Variants in DPP6 observed in about 807,000 individuals in gnomAD.
DPP6 encodes dipeptidyl peptidase like 6.
In DPP6, 69 loss-of-function variants were observed where a neutral mutation model predicts 122.6. The observed-to-expected ratio is 0.56, with a 90% CI of 0.46 to 0.69. DPP6 has a LOEUF of 0.69. Ranked by LOEUF, DPP6 falls within the 30% of genes least tolerant of loss-of-function variation. The pLI, the probability that DPP6 is intolerant of heterozygous loss-of-function variation, is 0.00. For synonymous variants in DPP6, 418 were observed against 433.1 expected, an observed-to-expected ratio of 0.97 and a Z score of 0.43; for missense variants, 928 against 1,116.9, an observed-to-expected ratio of 0.83 and a Z score of 2.41.
chr7:154,643,467 CTTTT>C (rs61520162), intron 6 of DPP6, among the ~76,000 whole-genome samples: 9 of 117,536 alleles, frequency 7.7e-5, no homozygotes, highest in African/African-American at 9.5e-5. Context: ...TGAGTAATTT[CTTTT>C]TTTTTTTTTT....
chr7:154,774,654 C>T (rs1302998110), intron 10 of DPP6, among the ~76,000 whole-genome samples: 1 of 152,206 alleles, frequency 6.6e-6, no homozygotes, highest in Non-Finnish European at 1.5e-5. Context: ...CACACTTTCT[C>T]ATACTGCTTC....
chr7:154,375,935 C>T lies in DPP6; in HGVS notation c.244-70279C>T, dbSNP rs905094379. Among the ~76,000 whole-genome samples, 10 of 152,214 alleles carry T rather than the reference C, an allele frequency of 6.6e-5. No individual in the cohort carries two copies. In the South Asian group the frequency reaches 1.2e-3, roughly 19 times the overall value. On this transcript the variant is annotated intron_variant, in intron 1 of 25. Transcript: ENST00000377770. ...TCCTTCACACTCAGGAGCACATATA[C>T]TCACCTGCTGGCCCACCTCGAGGGG...
the DPP6 span, among the ~76,000 whole-genome samples, chr7:153,863,232 G>A: frequency 6.6e-6 from 1 of 152,110 alleles, no homozygotes; most frequent in East Asian, 1.9e-4. Flanking sequence ...ATGGTTTCCA[G>A]CTTTACCCAT....
At chr7:154,640,956 A>G (rs1199199645) in intron 6 of DPP6, among the ~76,000 whole-genome samples, 2 of 151,272 alleles carry the variant, frequency 1.3e-5, no homozygotes, top group Admixed American at 6.6e-5. Context: ...TTATAGCTTG[A>G]TTTTTTTTTC....
At chr7:153,964,655 C>G (rs974934404) in intron 1 of DPP6, among the ~76,000 whole-genome samples, 3 of 152,104 alleles carry the variant, frequency 2.0e-5, no homozygotes, top group Non-Finnish European at 4.4e-5. Context: ...GCCACCGGCG[C>G]CAACATCCTG....
chr7:153,781,182 C>T, the DPP6 span, among the ~76,000 whole-genome samples: 1 of 152,186 alleles, frequency 6.6e-6, no homozygotes, highest in East Asian at 1.9e-4. Context: ...ATAAAGATGA[C>T]TTCTGGGCCC....
At chr7:154,365,957 C>CAAA (rs35516153) in intron 1 of DPP6, among the ~76,000 whole-genome samples, 1,884 of 75,634 alleles carry the variant, frequency 0.025, 72 homozygotes, top group African/African-American at 0.069. Context: ...GACTCCGTCT[C>CAAA]AAAAAAAAAA....
chr7:153,924,945 G>A (rs185685449), intron 1 of DPP6, among the ~76,000 whole-genome samples: 3 of 152,278 alleles, frequency 2.0e-5, no homozygotes, highest in East Asian at 3.9e-4. Flanking sequence ...ATCTGGACTC[G>A]AGGACATTGG....
At chr7:154,185,029 A>C (rs182470739) in intron 1 of DPP6, among the ~76,000 whole-genome samples, 1 of 152,326 alleles carries the variant, frequency 6.6e-6, no homozygotes, top group African/African-American at 2.4e-5. Flanking sequence ...GAATTCTGAA[A>C]ATATGTGTAT....
At chr7:154,864,504 A>G (rs1554490060) in intron 17 of DPP6, among the ~76,000 whole-genome samples, 1 of 152,194 alleles carries the variant, frequency 6.6e-6, no homozygotes, top group Non-Finnish European at 1.5e-5. Flanking sequence ...TGTGCTCCAG[A>G]CTGGAGGTCC....
chr7:154,297,218 A>G (rs182644934), intron 1 of DPP6, among the ~76,000 whole-genome samples: 1 of 152,112 alleles, frequency 6.6e-6, no homozygotes, highest in East Asian at 1.9e-4. Flanking sequence ...GGGTGGGCAA[A>G]TTCTTTCTGC....
At position 154,669,365 on chromosome 7, in the gene DPP6, C is replaced by G; in HGVS notation, c.686C>G (p.Pro229Arg). 6.4e-7 allele frequency: 1 copy of G among 1,554,012 alleles called. No individual in the cohort carries two copies. The highest frequency in any genetic ancestry group is 8.7e-7 in the Non-Finnish European group (1 of 1,148,076). The change falls in exon 7 of 26, where the codon CCT becomes CGT. Residue 229 changes from proline (P) to arginine (R), a missense_variant. Physicochemically the swap from Pro to Arg is moderately radical, Grantham distance 103. Transcript: ENST00000377770. ...YVLSKIPHGD[P>R]QSLDPPEVSN... ...TTTGTTTGTTCAATTTTCAGGGATC[C>G]TCAAAGTCTGGACCCACCAGAAGTC...
chr7:154,085,602 A>G (rs1804351159), intron 1 of DPP6, among the ~76,000 whole-genome samples: 1 of 152,202 alleles, frequency 6.6e-6, no homozygotes, highest in African/African-American at 2.4e-5. Flanking sequence ...CCCAGAAGTT[A>G]AGGCAGAAGG....
intron 5 of DPP6, among the ~76,000 whole-genome samples, chr7:154,611,620 T>G (rs542515542): frequency 6.6e-6 from 1 of 152,328 alleles, no homozygotes; most frequent in East Asian, 1.9e-4. Flanking sequence ...AGACTTCTTC[T>G]AATAGTGCTA....
intron 1 of DPP6, among the ~76,000 whole-genome samples, chr7:153,944,877 T>A (rs1303746968): frequency 6.6e-6 from 1 of 152,030 alleles, no homozygotes; most frequent in Non-Finnish European, 1.5e-5. Context: ...TTTCTTGTTT[T>A]TGAAAGATAC....
chr7:154,420,260 C>G (rs1211656623), intron 1 of DPP6, among the ~76,000 whole-genome samples: 1 of 152,138 alleles, frequency 6.6e-6, no homozygotes, highest in East Asian at 1.9e-4. Flanking sequence ...TGCTTGAACC[C>G]AAGAGGCGGA....
chr7:153,964,159 C>T (rs1397074936), intron 1 of DPP6, among the ~76,000 whole-genome samples: 2 of 152,048 alleles, frequency 1.3e-5, no homozygotes, highest in African/African-American at 4.8e-5. Context: ...CCACGCCTGG[C>T]CAATTTTTGT....
intron 1 of DPP6, among the ~76,000 whole-genome samples, chr7:154,303,298 A>G (rs1429964547): frequency 6.6e-6 from 1 of 152,118 alleles, no homozygotes; most frequent in Non-Finnish European, 1.5e-5. Context: ...ACTGCATTTC[A>G]GGTGTGTGAG....
At chr7:154,720,661 C>T (rs1310321246) in intron 7 of DPP6, among the ~76,000 whole-genome samples, 1 of 152,222 alleles carries the variant, frequency 6.6e-6, no homozygotes, top group African/African-American at 2.4e-5. Flanking sequence ...GCATCTCCCA[C>T]TGCAGGGCCC....
Sources: gnomAD v4.1 joint callset for allele counts (sites outside exome capture counted in the v4.1 genomes callset) on GRCh38, gnomAD v4.1.1 for gene constraint, MANE v1.5 for transcripts, NCBI Gene and HGNC (gene_info 2026-07-23, HGNC 2026-07-21) for gene names.